Variants in CSMD1 observed in about 807,000 individuals in gnomAD.
CSMD1 encodes CUB and sushi domain-containing protein 1.
CSMD1 carries 213 observed loss-of-function variants against 417.5 expected under a neutral mutation model. The observed-to-expected ratio is 0.51, with a 90% CI of 0.46 to 0.57. The LOEUF (loss-of-function observed/expected upper bound fraction) is 0.57, where lower values mean the gene tolerates loss of function less well. CSMD1 is among the 20% of genes least tolerant of loss of function. The pLI is 0.00. For synonymous variants in CSMD1, 2,862 were observed against 1,736.8 expected, an observed-to-expected ratio of 1.65 and a Z score of -16.11; for missense variants, 6,923 against 4,529.7, an observed-to-expected ratio of 1.53 and a Z score of -15.17.
At chr8:3,946,150 T>A (rs1000907460) in intron 5 of CSMD1, among the ~76,000 whole-genome samples, 39 of 152,218 alleles carry the variant, frequency 2.6e-4, no homozygotes, top group Admixed American at 2.4e-3. Flanking sequence ...ATAATCCCAA[T>A]GCACCCTTTG....
chr8:4,089,776 G>C (rs1319231711), intron 3 of CSMD1, among the ~76,000 whole-genome samples: 1 of 152,006 alleles, frequency 6.6e-6, no homozygotes, highest in Non-Finnish European at 1.5e-5. Flanking sequence ...TTTTGTTATG[G>C]GCAATAATGC....
intron 3 of CSMD1, among the ~76,000 whole-genome samples, chr8:4,144,631 G>A (rs930584068): frequency 1.3e-5 from 2 of 150,946 alleles, no homozygotes; most frequent in Admixed American, 6.6e-5. Context: ...TGTTTGTCTG[G>A]AGCTTCTTTT....
chr8:3,138,865 G>A (rs1351175182), intron 41 of CSMD1, among the ~76,000 whole-genome samples: 3 of 152,206 alleles, frequency 2.0e-5, no homozygotes, highest in East Asian at 1.9e-4. Context: ...AGAAAGCATG[G>A]TAAACGCTTT....
At chr8:4,395,060 G>A (rs1008160280) in intron 3 of CSMD1, among the ~76,000 whole-genome samples, 1 of 152,168 alleles carries the variant, frequency 6.6e-6, no homozygotes, top group Non-Finnish European at 1.5e-5. Context: ...GTGCTGGACA[G>A]CTCCAGGGTG....
intron 51 of CSMD1, among the ~76,000 whole-genome samples, chr8:3,020,094 G>T (rs1469988880): frequency 6.6e-6 from 1 of 152,174 alleles, no homozygotes; most frequent in Admixed American, 6.5e-5. Flanking sequence ...GCTACCCAGG[G>T]TCTGGTTCTG....
At chr8:4,425,923 T>C (rs910437091) in intron 2 of CSMD1, among the ~76,000 whole-genome samples, 1 of 152,002 alleles carries the variant, frequency 6.6e-6, no homozygotes, top group East Asian at 1.9e-4. Flanking sequence ...TTTTAGTGTT[T>C]TACAAAAAAT....
chr8:3,642,493 C>G (rs1295064902), intron 7 of CSMD1, among the ~76,000 whole-genome samples: 1 of 152,140 alleles, frequency 6.6e-6, no homozygotes, highest in Non-Finnish European at 1.5e-5. Flanking sequence ...AAACACAAAT[C>G]CTCTCTGGAG....
Position 3,847,222 on chromosome 8 carries a change from G to A in CSMD1, c.819-93180C>T, listed in dbSNP as rs899782060. On this transcript the variant is annotated intron_variant, in intron 5 of 69. Transcript: ENST00000635120. ...TCTTACCATTATGTTACATTACAGGGCAAAGGTGAAGACATTTTGCAGATG... is the reference window on the plus strand; with the variant it reads ...TCTTACCATTATGTTACATTACAGGACAAAGGTGAAGACATTTTGCAGATG... Among the ~76,000 whole-genome samples the A allele has an allele frequency of 7.9e-5, 12 of 152,222 alleles. No homozygotes were observed. The South Asian group carries it at 1.0e-3, about 13-fold the overall frequency.
intron 6 of CSMD1, among the ~76,000 whole-genome samples, chr8:3,710,698 C>A (rs1465708243): frequency 6.6e-6 from 1 of 152,194 alleles, no homozygotes; most frequent in Admixed American, 6.5e-5. Context: ...TTTGCAGCGA[C>A]ACTGTGCAGT....
chr8:3,308,377 C>G lies in CSMD1; in HGVS notation c.3758G>C (p.Ser1253Thr), dbSNP rs1218965455. 1 of 1,613,818 alleles carries G rather than the reference C, an allele frequency of 6.2e-7. No homozygotes were observed. The highest frequency in any genetic ancestry group is 8.5e-7 in the Non-Finnish European group (1 of 1,179,798). ...SCNPGYAMHG[S>T]NTLTCLSGDR... ...TCCACTCAAACAGGTCAGGGTGTTG[C>G]TGCCATGCATGGCGTACCCCGGGTT... The change falls in exon 24 of 70, where the codon AGC becomes ACC. Residue 1253 changes from serine to threonine, a missense_variant. Ser to Thr is a moderately conservative substitution (Grantham distance 58). Coordinates refer to ENST00000635120, the MANE Select transcript of CSMD1 (RefSeq NM_033225.6).
At chr8:4,970,316 G>C (rs956774869) in intron 1 of CSMD1, among the ~76,000 whole-genome samples, 1 of 152,102 alleles carries the variant, frequency 6.6e-6, no homozygotes, top group African/African-American at 2.4e-5. Context: ...ATAAGTAAAT[G>C]TGGCAAGGGG....
At chr8:4,134,422 G>A (rs886103656) in intron 3 of CSMD1, among the ~76,000 whole-genome samples, 1 of 152,132 alleles carries the variant, frequency 6.6e-6, no homozygotes, top group Non-Finnish European at 1.5e-5. Context: ...AAGACAGAGG[G>A]AGAAGACAGG....
At chr8:4,550,174 G>C (rs1042507931) in intron 2 of CSMD1, among the ~76,000 whole-genome samples, 30 of 151,968 alleles carry the variant, frequency 2.0e-4, no homozygotes, top group African/African-American at 6.5e-4. Flanking sequence ...AGCAAAAGAA[G>C]TTCATGGGAT....
chr8:4,705,972 T>A (rs1170816859), intron 1 of CSMD1, among the ~76,000 whole-genome samples: 1 of 151,946 alleles, frequency 6.6e-6, no homozygotes, highest in East Asian at 1.9e-4. Flanking sequence ...GGATAAATGC[T>A]TAGGATGACC....
chr8:3,242,123 C>T (rs1331732641), intron 26 of CSMD1, among the ~76,000 whole-genome samples: 4 of 151,234 alleles, frequency 2.6e-5, no homozygotes, highest in Non-Finnish European at 4.4e-5. Flanking sequence ...CTTGACTATG[C>T]CTTTAGCTCC....
intron 3 of CSMD1, among the ~76,000 whole-genome samples, chr8:4,307,795 T>A (rs1346589348): frequency 6.6e-6 from 1 of 152,186 alleles, no homozygotes; most frequent in Admixed American, 6.5e-5. Context: ...AGTTTACCTC[T>A]CTACACTACA....
intron 2 of CSMD1, among the ~76,000 whole-genome samples, chr8:4,616,476 A>C: frequency 6.6e-6 from 1 of 152,180 alleles, no homozygotes; most frequent in Non-Finnish European, 1.5e-5. Flanking sequence ...GCTGGTTATA[A>C]ATTATATCTC....
intron 3 of CSMD1, among the ~76,000 whole-genome samples, chr8:4,195,472 C>G (rs17405766): frequency 0.052 from 7,890 of 152,240 alleles, 330 homozygotes; most frequent in Admixed American, 0.14. Flanking sequence ...TTAATGTGCT[C>G]CTCGTGAGTC....
At chr8:4,108,240 T>C (rs1434594625) in intron 3 of CSMD1, among the ~76,000 whole-genome samples, 1 of 152,186 alleles carries the variant, frequency 6.6e-6, no homozygotes, top group Non-Finnish European at 1.5e-5. Context: ...ATTTAATATT[T>C]AATTTCTATA....
Sources: gnomAD v4.1 joint callset for allele counts (sites outside exome capture counted in the v4.1 genomes callset) on GRCh38, gnomAD v4.1.1 for gene constraint, MANE v1.5 for transcripts, NCBI Gene and HGNC (gene_info 2026-07-23, HGNC 2026-07-21) for gene names.